TAOK3: variants seen among roughly 807,000 people sequenced by gnomAD.
TAOK3 encodes TAO kinase 3.
In TAOK3, 40 loss-of-function variants were observed where a neutral mutation model predicts 120.4. The ratio of observed to expected loss-of-function variants is 0.33; its 90% CI spans 0.26 to 0.43. The LOEUF is 0.43. Among genes scored for constraint, TAOK3 ranks in the 20% least tolerant of loss-of-function variants. TAOK3 has a pLI of 1.00. For missense variants in TAOK3, 821 were observed against 1,112.1 expected, an observed-to-expected ratio of 0.74 and a Z score of 3.72; for synonymous variants, 355 against 387.5, an observed-to-expected ratio of 0.92 and a Z score of 0.99.
chr12:118,328,117 G>A (rs972362355), intron 1 of TAOK3, among the ~76,000 whole-genome samples: 4 of 151,352 alleles, frequency 2.6e-5, no homozygotes, highest in African/African-American at 7.3e-5. Flanking sequence ...GCAGTGGTGC[G>A]ATTTTGGCTC....
intron 11 of TAOK3, among the ~76,000 whole-genome samples, chr12:118,210,003 C>A (rs918291873): frequency 8.5e-5 from 13 of 152,136 alleles, no homozygotes; most frequent in Admixed American, 2.0e-4. Flanking sequence ...TGCCCAGCCC[C>A]AGGTTGTACC....
rs943488172 is a variant in TAOK3 at position 118,150,951 on chromosome 12, G to T, written c.*46C>A. On this transcript the variant is annotated 3_prime_UTR_variant, in exon 21 of 21. Transcript: ENST00000392533. ...TTTTGCAGGGTCTGAATTTTTTTCT[G>T]TTTTCTTTTTTTTTTTTTTTTTTGT... 8.9e-5 allele frequency: 121 copies of T among 1,364,748 alleles called. 1 individual carries two copies. The East Asian group carries it at 2.0e-3, about 22-fold the overall frequency. 84.5% of individuals were successfully genotyped at this position (1,364,748 alleles called of 1,614,324 possible).
chr12:118,213,081 AT>A (rs2038711469), intron 10 of TAOK3, 86 bp from the exon 11 acceptor site: 1 of 832,372 alleles, frequency 1.2e-6, no homozygotes. Context: ...TCAAGGGAAA[AT>A]TTTGCATTTA....
intron 1 of TAOK3, among the ~76,000 whole-genome samples, chr12:118,270,423 C>G (rs775606160): frequency 6.6e-6 from 1 of 152,124 alleles, no homozygotes; most frequent in East Asian, 1.9e-4. Context: ...AATCTCACTA[C>G]TTCCTATGGG....
chr12:118,217,411 G>T (rs2038959447), intron 9 of TAOK3, among the ~76,000 whole-genome samples: 1 of 152,082 alleles, frequency 6.6e-6, no homozygotes, highest in Non-Finnish European at 1.5e-5. Flanking sequence ...TCTAGGCCAG[G>T]CATGGTGGCT....
chr12:118,369,019 AAAAAG>A (rs1303194942), intron 1 of TAOK3, among the ~76,000 whole-genome samples: 3 of 149,392 alleles, frequency 2.0e-5, no homozygotes, highest in African/African-American at 7.3e-5. Context: ...AAAAAAAAAA[AAAAAG>A]AAGAAGAAGA....
chr12:118,225,353 T>G (rs2139706502), intron 9 of TAOK3, among the ~76,000 whole-genome samples: 1 of 151,588 alleles, frequency 6.6e-6, no homozygotes, highest in East Asian at 1.9e-4. Context: ...AAATCATTGC[T>G]TAGGGAATAT....
chr12:118,341,928 C>T (rs945458935), intron 1 of TAOK3, among the ~76,000 whole-genome samples: 8 of 152,082 alleles, frequency 5.3e-5, no homozygotes, highest in Admixed American at 4.6e-4. Flanking sequence ...GAGGCTGAGG[C>T]AGGAGGATGG....
Position 118,153,653 on chromosome 12 carries a change from A to G in TAOK3, c.2353-1244T>C, listed in dbSNP as rs915536254. Among the ~76,000 whole-genome samples, 26 of 152,298 alleles carry G rather than the reference A, an allele frequency of 1.7e-4. No homozygotes were observed. In the East Asian group the frequency reaches 2.3e-3, roughly 14 times the overall value. ...GGTTTGGTCCAATTTTGGCAGGCCC[A>G]CAGTTTGGCTGAGAACTATGAGATT... is the stretch of plus-strand genomic sequence containing the variant. On this transcript the variant is annotated intron_variant, in intron 19 of 20. Coordinates refer to ENST00000392533, the MANE Select transcript of TAOK3 (RefSeq NM_016281.4).
chr12:118,284,199 A>AC (rs2042188544), intron 1 of TAOK3, among the ~76,000 whole-genome samples: 3 of 152,108 alleles, frequency 2.0e-5, no homozygotes, highest in African/African-American at 7.2e-5. Flanking sequence ...TGTAGAATTT[A>AC]TTTTTTGTAA....
At chr12:118,271,039 T>C (rs1032404848) in intron 1 of TAOK3, among the ~76,000 whole-genome samples, 1 of 152,112 alleles carries the variant, frequency 6.6e-6, no homozygotes, top group African/African-American at 2.4e-5. Flanking sequence ...CACACATAGT[T>C]AGTATTCTAA....
chr12:118,281,833 T>C (rs1343592293), intron 1 of TAOK3, among the ~76,000 whole-genome samples: 1 of 152,108 alleles, frequency 6.6e-6, no homozygotes, highest in Non-Finnish European at 1.5e-5. Flanking sequence ...TATTAATGCA[T>C]TTAGTAATAA....
intron 9 of TAOK3, among the ~76,000 whole-genome samples, chr12:118,224,492 C>T (rs964465580): frequency 6.6e-6 from 1 of 152,118 alleles, no homozygotes. Context: ...CTGACAGTGC[C>T]GACAGACTAT....
intron 3 of TAOK3, among the ~76,000 whole-genome samples, 162 bp downstream of exon 3, chr12:118,255,286 A>T (rs994771530): frequency 5.9e-5 from 9 of 151,834 alleles, no homozygotes; most frequent in African/African-American, 1.9e-4. Context: ...ATTTTATTTT[A>T]GTTTTTTGTA....
At chr12:118,346,110 C>T (rs2044848019) in intron 1 of TAOK3, among the ~76,000 whole-genome samples, 1 of 152,104 alleles carries the variant, frequency 6.6e-6, no homozygotes, top group Admixed American at 6.5e-5. Flanking sequence ...GTTCTAACTA[C>T]TCACATGTAT....
chr12:118,291,695 G>A (rs1332096974), intron 1 of TAOK3, among the ~76,000 whole-genome samples: 1 of 152,006 alleles, frequency 6.6e-6, no homozygotes, highest in Non-Finnish European at 1.5e-5. Context: ...TTTAATGGAC[G>A]TCTTAAGGAA....
At chr12:118,235,290 A>G (rs1482182545) in intron 8 of TAOK3, among the ~76,000 whole-genome samples, 1 of 152,176 alleles carries the variant, frequency 6.6e-6, no homozygotes, top group Non-Finnish European at 1.5e-5. Context: ...TGAAATCGAA[A>G]ACCTGAACTT....
chr12:118,157,367 CA>C (rs1197480456), intron 19 of TAOK3, among the ~76,000 whole-genome samples: 4 of 152,150 alleles, frequency 2.6e-5, no homozygotes, highest in African/African-American at 4.8e-5. Flanking sequence ...CGGATAAAGA[CA>C]AAAATTCTTA....
intron 1 of TAOK3, among the ~76,000 whole-genome samples, chr12:118,334,125 A>T (rs917622571): frequency 6.7e-6 from 1 of 148,860 alleles, no homozygotes; most frequent in Non-Finnish European, 1.5e-5. Flanking sequence ...AAAAGAGCAA[A>T]ACTCCCATCT....
Sources: gnomAD v4.1 joint callset for allele counts (sites outside exome capture counted in the v4.1 genomes callset) on GRCh38, gnomAD v4.1.1 for gene constraint, MANE v1.5 for transcripts, NCBI Gene and HGNC (gene_info 2026-07-23, HGNC 2026-07-21) for gene names.